Variants in KCNIP4 observed in about 807,000 individuals in gnomAD.
KCNIP4 encodes Kv channel-interacting protein 4.
A neutral mutation model predicts 34.0 loss-of-function variants in KCNIP4; 12 were observed. That is an observed-to-expected ratio of 0.35 (90% CI 0.23 to 0.57). KCNIP4 has a LOEUF of 0.57. Among genes scored for constraint, KCNIP4 ranks in the 20% least tolerant of loss-of-function variants. KCNIP4 has a pLI of 0.83. For missense variants in KCNIP4, 238 were observed against 311.7 expected (o/e 0.76, Z 1.78); for synonymous variants, 124 against 102.2 (o/e 1.21, Z -1.29).
intron 1 of KCNIP4, among the ~76,000 whole-genome samples, chr4:20,996,209 C>T (rs1386276340): frequency 6.6e-6 from 1 of 152,200 alleles, no homozygotes; most frequent in Non-Finnish European, 1.5e-5. Flanking sequence ...TAGCCGTAGG[C>T]CCAAGCCACC....
At chr4:21,076,022 G>T (rs151204092) in intron 1 of KCNIP4, among the ~76,000 whole-genome samples, 1 of 152,056 alleles carries the variant, frequency 6.6e-6, no homozygotes, top group Admixed American at 6.6e-5. Context: ...TAGTCTGACG[G>T]GTTTCCCTTT....
intron 2 of KCNIP4, among the ~76,000 whole-genome samples, chr4:20,861,992 T>A (rs535395036): frequency 6.0e-5 from 9 of 149,334 alleles, no homozygotes; most frequent in Admixed American, 1.3e-4. Context: ...ATTATTATTA[T>A]TATTATTATT....
At chr4:20,730,695 C>G (rs1747871461) in intron 8 of KCNIP4, among the ~76,000 whole-genome samples, 1 of 152,150 alleles carries the variant, frequency 6.6e-6, no homozygotes, top group Non-Finnish European at 1.5e-5. Flanking sequence ...AATGGTCTCT[C>G]AATTACAGAG....
intron 1 of KCNIP4, among the ~76,000 whole-genome samples, chr4:21,572,924 G>T (rs1452980548): frequency 6.6e-6 from 1 of 152,094 alleles, no homozygotes; most frequent in Non-Finnish European, 1.5e-5. Flanking sequence ...ATTCCACCTG[G>T]TCTCATCCTT....
chr4:21,703,081 A>G (rs1284190256), intron 1 of KCNIP4, among the ~76,000 whole-genome samples: 1 of 152,072 alleles, frequency 6.6e-6, no homozygotes, highest in Non-Finnish European at 1.5e-5. Context: ...AAATCCAAGA[A>G]ATAGGAATAG....
intron 2 of KCNIP4, among the ~76,000 whole-genome samples, chr4:20,857,317 C>T (rs1237557562): frequency 1.3e-5 from 2 of 152,138 alleles, no homozygotes; most frequent in African/African-American, 4.8e-5. Context: ...TGCGAATTCT[C>T]ATTGTGACTC....
At chr4:21,253,270 T>C (rs970788986) in intron 1 of KCNIP4, among the ~76,000 whole-genome samples, 1 of 152,234 alleles carries the variant, frequency 6.6e-6, no homozygotes, top group Non-Finnish European at 1.5e-5. Context: ...GGCTCATTTT[T>C]GGCTCACCAA....
chr4:21,552,096 G>A (rs1738636642), intron 1 of KCNIP4, among the ~76,000 whole-genome samples: 1 of 149,988 alleles, frequency 6.7e-6, no homozygotes, highest in Non-Finnish European at 1.5e-5. Context: ...ACAATATATA[G>A]ATCTTATTTT....
intron 1 of KCNIP4, among the ~76,000 whole-genome samples, chr4:21,917,016 T>C (rs1014433511): frequency 6.6e-6 from 1 of 152,234 alleles, no homozygotes; most frequent in Non-Finnish European, 1.5e-5. Context: ...TTCATCAACC[T>C]TGTGGCTTCT....
intron 1 of KCNIP4, among the ~76,000 whole-genome samples, chr4:21,398,351 CA>C (rs1479321439): frequency 6.6e-6 from 1 of 152,136 alleles, no homozygotes; most frequent in Non-Finnish European, 1.5e-5. Flanking sequence ...CTGAAAATTT[CA>C]AAGGGCTTTC....
At chr4:21,332,702 A>C (rs755512991) in intron 1 of KCNIP4, among the ~76,000 whole-genome samples, 1 of 151,918 alleles carries the variant, frequency 6.6e-6, no homozygotes, top group Non-Finnish European at 1.5e-5. Flanking sequence ...AATGTATTAC[A>C]TCAGTGGAGA....
intron 1 of KCNIP4, among the ~76,000 whole-genome samples, chr4:21,838,939 G>C (rs1723514704): frequency 6.6e-6 from 1 of 152,082 alleles, no homozygotes; most frequent in African/African-American, 2.4e-5. Flanking sequence ...GATTTTCTAT[G>C]AATGTCCTTC....
At chr4:21,875,478 A>G (rs1726058034) in intron 1 of KCNIP4, among the ~76,000 whole-genome samples, 1 of 152,174 alleles carries the variant, frequency 6.6e-6, no homozygotes, top group Admixed American at 6.5e-5. Context: ...GGTGATTTGG[A>G]CATGTTGCAC....
At chr4:20,842,263 G>A (rs181411259) in intron 3 of KCNIP4, among the ~76,000 whole-genome samples, 3 of 152,268 alleles carry the variant, frequency 2.0e-5, no homozygotes, top group Non-Finnish European at 4.4e-5. Flanking sequence ...TGGAGAAGGT[G>A]TAGCTGTTGT....
intron 1 of KCNIP4, among the ~76,000 whole-genome samples, chr4:21,651,077 G>A (rs1747446463): frequency 6.6e-6 from 1 of 151,646 alleles, no homozygotes; most frequent in South Asian, 2.1e-4. Flanking sequence ...TGTAGATCAG[G>A]CCCACTGAAC....
intron 1 of KCNIP4, among the ~76,000 whole-genome samples, chr4:21,239,486 G>C (rs752061910): frequency 5.3e-4 from 81 of 151,608 alleles, no homozygotes; most frequent in Non-Finnish European, 9.1e-4. Flanking sequence ...TCTGACAAAG[G>C]GCTAATATCC....
chr4:21,724,220 C>A (rs991859517), intron 1 of KCNIP4, among the ~76,000 whole-genome samples: 1 of 151,628 alleles, frequency 6.6e-6, no homozygotes, highest in South Asian at 2.1e-4. Context: ...TCCCTGAGAG[C>A]CAATGAGGTA....
chr4:21,464,107 T>C (rs1729709737), intron 1 of KCNIP4, among the ~76,000 whole-genome samples: 1 of 152,018 alleles, frequency 6.6e-6, no homozygotes, highest in Non-Finnish European at 1.5e-5. Context: ...CTTTCCTTTC[T>C]TCTTCAGTCT....
At chr4:21,136,036 C>T (rs562874715) in intron 1 of KCNIP4, among the ~76,000 whole-genome samples, 40 of 152,104 alleles carry the variant, frequency 2.6e-4, no homozygotes, top group Non-Finnish European at 5.0e-4. Flanking sequence ...TATTTTACCA[C>T]GGGTTTTAAA....
Sources: gnomAD v4.1 joint callset for allele counts (sites outside exome capture counted in the v4.1 genomes callset) on GRCh38, gnomAD v4.1.1 for gene constraint, MANE v1.5 for transcripts, NCBI Gene and HGNC (gene_info 2026-07-23, HGNC 2026-07-21) for gene names.